ENTREP1: variants seen among roughly 807,000 people sequenced by gnomAD.
The protein encoded by ENTREP1 is endosomal transmembrane epsin interactor 1, also known as Friedreich ataxia region gene X123.
the ENTREP1 span, chr9:69,386,159 T>C: frequency 2.4e-6 from 1 of 412,090 alleles, no homozygotes; most frequent in Non-Finnish European, 4.1e-6. Context: ...TTTTTTTGTT[T>C]TTTTTTAAAG....
chr9:69,385,529 A>G, the ENTREP1 span, among the ~76,000 whole-genome samples: 2 of 152,008 alleles, frequency 1.3e-5, no homozygotes, highest in Non-Finnish European at 2.9e-5. Flanking sequence ...CCATTTTGGC[A>G]TGGCTCCTTT....
the ENTREP1 span, among the ~76,000 whole-genome samples, chr9:69,363,975 T>C: frequency 6.6e-6 from 1 of 152,156 alleles, no homozygotes; most frequent in Admixed American, 6.5e-5. Flanking sequence ...GTTTTGGAAA[T>C]AATGTAACTG....
the ENTREP1 span, among the ~76,000 whole-genome samples, chr9:69,346,836 C>A: frequency 2.6e-5 from 4 of 152,158 alleles, no homozygotes; most frequent in African/African-American, 9.7e-5. Context: ...ATCTCCATCT[C>A]CCAGCCTAGA....
the ENTREP1 span, chr9:69,377,768 A>C: frequency 6.3e-7 from 1 of 1,597,074 alleles, no homozygotes; most frequent in Non-Finnish European, 8.6e-7. Flanking sequence ...GTTCCCCTGC[A>C]GTCTGAGTGG....
chr9:69,356,833 G>A, the ENTREP1 span, among the ~76,000 whole-genome samples: 1 of 152,104 alleles, frequency 6.6e-6, no homozygotes, highest in East Asian at 1.9e-4. Context: ...CCTGGTCTTG[G>A]TCATATTCCT....
At chr9:69,389,447 G>A in the ENTREP1 span, among the ~76,000 whole-genome samples, 4 of 152,144 alleles carry the variant, frequency 2.6e-5, no homozygotes, top group Admixed American at 2.0e-4. Context: ...AGTCCCTCAG[G>A]GGATTCAGCG....
the ENTREP1 span, among the ~76,000 whole-genome samples, chr9:69,338,661 A>G: frequency 5.3e-5 from 8 of 152,212 alleles, no homozygotes; most frequent in East Asian, 1.9e-4. Context: ...AGTTGTAACC[A>G]GTGTGTACAT....
At chr9:69,360,405 T>TCA in the ENTREP1 span, among the ~76,000 whole-genome samples, 2 of 152,244 alleles carry the variant, frequency 1.3e-5, no homozygotes, top group African/African-American at 4.8e-5. Flanking sequence ...AATAAAGTTA[T>TCA]ATCATGATTT....
chr9:69,379,308 C>T, the ENTREP1 span, among the ~76,000 whole-genome samples: 1 of 152,164 alleles, frequency 6.6e-6, no homozygotes. Flanking sequence ...GCTGCTGACT[C>T]GTCCCTCAGT....
At chr9:69,331,069 CAGAT>C in the ENTREP1 span, among the ~76,000 whole-genome samples, 171 of 151,892 alleles carry the variant, frequency 1.1e-3, no homozygotes, top group African/African-American at 3.8e-3. Context: ...CTGTGCTAGA[CAGAT>C]AGGGAAGAAA....
the ENTREP1 span, chr9:69,375,665 T>C: frequency 4.9e-6 from 6 of 1,219,000 alleles, no homozygotes; most frequent in Non-Finnish European, 7.1e-6. Context: ...ACAGGATTGG[T>C]GCTCCATGGT....
the ENTREP1 span, among the ~76,000 whole-genome samples, chr9:69,362,134 G>A: frequency 1.3e-5 from 2 of 152,094 alleles, no homozygotes; most frequent in African/African-American, 4.8e-5. Context: ...CTGCACAGTG[G>A]GTTTAAGTCG....
At chr9:69,360,316 C>T in the ENTREP1 span, among the ~76,000 whole-genome samples, 6 of 152,184 alleles carry the variant, frequency 3.9e-5, no homozygotes, top group African/African-American at 1.4e-4. Flanking sequence ...GTCACTTAGG[C>T]ATTGTAGACA....
the ENTREP1 span, among the ~76,000 whole-genome samples, chr9:69,358,413 G>GAATTGTTCA: frequency 2.0e-5 from 3 of 152,140 alleles, no homozygotes; most frequent in Non-Finnish European, 4.4e-5. Flanking sequence ...TCATTGACTG[G>GAATTGTTCA]TTGACTGACT....
chr9:69,367,224 A>C, the ENTREP1 span, among the ~76,000 whole-genome samples: 1 of 151,050 alleles, frequency 6.6e-6, no homozygotes, highest in African/African-American at 2.4e-5. Flanking sequence ...GAGCCATCAC[A>C]CCTAGTCTAT....
At chr9:69,361,553 C>A in the ENTREP1 span, among the ~76,000 whole-genome samples, 1 of 152,124 alleles carries the variant, frequency 6.6e-6, no homozygotes, top group South Asian at 2.1e-4. Context: ...CATTTTGGTT[C>A]TTTCCAGTTT....
chr9:69,379,704 CAAT>C, the ENTREP1 span: 2 of 152,114 alleles, frequency 1.3e-5, no homozygotes, highest in Non-Finnish European at 2.9e-5. Flanking sequence ...ATACCCTCTC[CAAT>C]AAGAAGAATT....
chr9:69,329,756 C>T, the ENTREP1 span: 11 of 728,366 alleles, frequency 1.5e-5, no homozygotes, highest in Non-Finnish European at 1.7e-5. Flanking sequence ...TCCTAGCTCT[C>T]GGTTTGGGGG....
chr9:69,343,884 A>G, the ENTREP1 span, among the ~76,000 whole-genome samples: 1 of 152,206 alleles, frequency 6.6e-6, no homozygotes, highest in Non-Finnish European at 1.5e-5. Flanking sequence ...ATCCTGGAAT[A>G]TGAATTCTTT....
Sources: gnomAD v4.1 joint callset for allele counts (sites outside exome capture counted in the v4.1 genomes callset) on GRCh38, gnomAD v4.1.1 for gene constraint, MANE v1.5 for transcripts, NCBI Gene and HGNC (gene_info 2026-07-23, HGNC 2026-07-21) for gene names.